Variants in SYN2 observed in about 807,000 individuals in gnomAD.
SYN2 encodes synapsin II, also known as synapsin-2.
A neutral mutation model predicts 50.9 loss-of-function variants in SYN2; 19 were observed. The ratio of observed to expected loss-of-function variants is 0.37; its 90% CI spans 0.26 to 0.55. The LOEUF is 0.55. Ranked by LOEUF, SYN2 falls within the 20% of genes least tolerant of loss-of-function variation. SYN2 has a pLI of 0.81. For missense variants in SYN2, 587 were observed against 576.4 expected (o/e 1.02, Z -0.19); for synonymous variants, 255 against 224.9 (o/e 1.13, Z -1.20).
At chr3:12,182,088 T>C (rs1698234930) in intron 10 of SYN2, among the ~76,000 whole-genome samples, 1 of 152,056 alleles carries the variant, frequency 6.6e-6, no homozygotes, top group African/African-American at 2.4e-5. Context: ...TTCCGAGTAA[T>C]GAGGTTAAAA....
intron 1 of SYN2, among the ~76,000 whole-genome samples, chr3:12,104,379 A>G (rs983639204): frequency 3.9e-5 from 6 of 152,078 alleles, no homozygotes; most frequent in East Asian, 1.9e-4. Context: ...TGCAAATGCT[A>G]TATATTTGCT....
chr3:12,174,876 A>G (rs904020015), intron 10 of SYN2, among the ~76,000 whole-genome samples: 4 of 152,036 alleles, frequency 2.6e-5, no homozygotes, highest in African/African-American at 9.7e-5. Flanking sequence ...CCCTTCTTTA[A>G]TTTTCTGCAT....
chr3:12,157,631 G>A, intron 5 of SYN2: 3 of 695,732 alleles, frequency 4.3e-6, no homozygotes, highest in Admixed American at 2.4e-5. Context: ...GTGTGAGAAG[G>A]GGGACCTGGA....
At chr3:12,044,973 G>C (rs1694704080) in intron 1 of SYN2, among the ~76,000 whole-genome samples, 1 of 152,278 alleles carries the variant, frequency 6.6e-6, no homozygotes. Context: ...GAAGATTAGA[G>C]AGGTTGGGAA....
At chr3:12,072,753 G>T (rs1559408895) in intron 1 of SYN2, among the ~76,000 whole-genome samples, 1 of 152,050 alleles carries the variant, frequency 6.6e-6, no homozygotes, top group African/African-American at 2.4e-5. Flanking sequence ...CATTATCTTT[G>T]TGAAGATATT....
chr3:12,094,361 C>T (rs1026893018), intron 1 of SYN2, among the ~76,000 whole-genome samples: 2 of 152,108 alleles, frequency 1.3e-5, no homozygotes, highest in Non-Finnish European at 2.9e-5. Context: ...TTATTGAATT[C>T]ATACCCTTTA....
At chr3:12,055,638 T>A (rs976756111) in intron 1 of SYN2, among the ~76,000 whole-genome samples, 2 of 152,200 alleles carry the variant, frequency 1.3e-5, no homozygotes, top group African/African-American at 4.8e-5. Flanking sequence ...TTAAAAACTC[T>A]CAAATTATGC....
At chr3:12,075,237 C>T (rs535446965) in intron 1 of SYN2, among the ~76,000 whole-genome samples, 1 of 152,124 alleles carries the variant, frequency 6.6e-6, no homozygotes, top group East Asian at 1.9e-4. Flanking sequence ...TATTTTTAGC[C>T]CAGTGGCTTC....
intron 1 of SYN2, among the ~76,000 whole-genome samples, chr3:12,127,992 C>G (rs1484029170): frequency 6.6e-6 from 1 of 152,076 alleles, no homozygotes; most frequent in Admixed American, 6.6e-5. Flanking sequence ...GTTGCCCAGG[C>G]TGGAGTGCAG....
At chr3:12,078,000 A>G (rs1695508141) in intron 1 of SYN2, among the ~76,000 whole-genome samples, 1 of 151,992 alleles carries the variant, frequency 6.6e-6, no homozygotes, top group Non-Finnish European at 1.5e-5. Flanking sequence ...TTGACTTTTT[A>G]ATAATCGCCA....
chr3:12,021,313 G>T lies in SYN2; in HGVS notation c.377+16385G>T, dbSNP rs1000866187. On this transcript the variant is annotated intron_variant, in intron 1 of 12. Coordinates refer to ENST00000621198, the MANE Select transcript of SYN2 (RefSeq NM_133625.6). ...AATATCTGAAAAGATTCTATGAAAG[G>T]TTTTTTTCTATTATATTTGCAGTCT... Among the ~76,000 whole-genome samples, 3 of 152,014 alleles carry T rather than the reference G, an allele frequency of 2.0e-5. No individual in the cohort carries two copies. In the East Asian group the frequency reaches 5.8e-4, roughly 29 times the overall value.
At chr3:12,100,757 G>C (rs1318511716) in intron 1 of SYN2, among the ~76,000 whole-genome samples, 2 of 151,770 alleles carry the variant, frequency 1.3e-5, no homozygotes, top group Non-Finnish European at 2.9e-5. Context: ...TATATAAAGA[G>C]CTCTTATAAC....
rs142693485 is a variant in SYN2 at position 12,187,716 on chromosome 3, C to T, written c.1613+104C>T. 5.8e-3 allele frequency: 8,193 copies of T among 1,411,132 alleles called. 37 individuals carry two copies. Among genetic ancestry groups the T allele is most frequent in the Non-Finnish European group, 6.7e-3 (7,112 of 1,067,570 alleles). 87.4% of individuals were successfully genotyped at this position (1,411,132 alleles called of 1,614,324 possible). On this transcript the variant is annotated intron_variant, in intron 12 of 12. Coordinates refer to ENST00000621198, the MANE Select transcript of SYN2 (RefSeq NM_133625.6). ...TCACCTTCAATCAGGTCTCCTCCTA[C>T]AGATATTTTGTGATGGGATTTGGTT...
chr3:12,081,243 G>A (rs1044536890), intron 1 of SYN2, among the ~76,000 whole-genome samples: 2 of 152,148 alleles, frequency 1.3e-5, no homozygotes, highest in African/African-American at 2.4e-5. Flanking sequence ...ATGCATTGCT[G>A]TAAGAATGTC....
intron 10 of SYN2, among the ~76,000 whole-genome samples, chr3:12,175,238 A>T (rs949646179): frequency 6.6e-6 from 1 of 152,196 alleles, no homozygotes; most frequent in Admixed American, 6.5e-5. Context: ...ATTGTAATAC[A>T]TATTTGTTGA....
In SYN2 at chr3:12,187,430, C is replaced by T. The variant is rs1166586551; in HGVS notation, c.1431C>T (p.Leu477=). 3 of 1,552,042 alleles carry T rather than the reference C, an allele frequency of 1.9e-6. No individual in the cohort carries two copies. The highest frequency in any genetic ancestry group is 2.6e-6 in the Non-Finnish European group (3 of 1,146,946). ...GCAAGGTGCTGCCTCCACGCCGGCT[C>T]CCCCCTGGACCATCACTGCCACCTT... ...PPGKVLPPRR[L]PPGPSLPPSS... The change falls in exon 12 of 13, where the codon CTC becomes CTT. Residue 477 remains leucine, a synonymous_variant. Coordinates refer to ENST00000621198, the MANE Select transcript of SYN2 (RefSeq NM_133625.6).
intron 1 of SYN2, among the ~76,000 whole-genome samples, chr3:12,083,376 A>T (rs2125175928): frequency 6.6e-6 from 1 of 152,314 alleles, no homozygotes; most frequent in African/African-American, 2.4e-5. Context: ...TGTGAATAAT[A>T]GTTCTGTCTC....
At chr3:12,041,804 C>T (rs10510409) in intron 1 of SYN2, among the ~76,000 whole-genome samples, 6,836 of 152,212 alleles carry the variant, frequency 0.045, 199 homozygotes, top group Non-Finnish European at 0.066. Context: ...TTATATCCGG[C>T]GTTATGTCTG....
At chr3:12,177,586 A>G (rs1574889260) in intron 10 of SYN2, among the ~76,000 whole-genome samples, 1 of 152,184 alleles carries the variant, frequency 6.6e-6, no homozygotes, top group East Asian at 1.9e-4. Flanking sequence ...AGGTAAATTT[A>G]GGACAAATGA....
Sources: allele counts gnomAD v4.1 joint callset (sites outside exome capture counted in the v4.1 genomes callset), GRCh38; gene constraint gnomAD v4.1.1; transcripts MANE v1.5; gene names NCBI Gene and HGNC (gene_info 2026-07-23, HGNC 2026-07-21).